The following SLC35D4 variants were observed in gnomAD, a reference collection of about 807,000 sequenced individuals.
SLC35D4 encodes UDP-N-acetylglucosamine transporter SLC35D4.
the SLC35D4 span, among the ~76,000 whole-genome samples, chr18:23,343,345 G>A: frequency 1.3e-5 from 2 of 151,782 alleles, no homozygotes; most frequent in African/African-American, 4.8e-5. Flanking sequence ...GGGTTCAAGC[G>A]ATTCTCCTGA....
At chr18:23,364,790 C>A in the SLC35D4 span, among the ~76,000 whole-genome samples, 1 of 150,816 alleles carries the variant, frequency 6.6e-6, no homozygotes, top group South Asian at 2.1e-4. Context: ...ATAGTCCCAG[C>A]CACTCGGGAG....
the SLC35D4 span, among the ~76,000 whole-genome samples, chr18:23,289,217 A>G: frequency 6.6e-6 from 1 of 152,202 alleles, no homozygotes; most frequent in African/African-American, 2.4e-5. Context: ...TCCTGGTGCT[A>G]TCCCCAAACC....
chr18:23,385,033 G>C, the SLC35D4 span: 7 of 1,613,602 alleles, frequency 4.3e-6, no homozygotes, highest in Non-Finnish European at 5.9e-6. Flanking sequence ...GATAACTTCA[G>C]CTACATTATG....
the SLC35D4 span, among the ~76,000 whole-genome samples, chr18:23,278,785 C>T: frequency 6.6e-6 from 1 of 151,906 alleles, no homozygotes; most frequent in Non-Finnish European, 1.5e-5. Context: ...GTGAAAGGAT[C>T]GCTTGAGCTC....
At chr18:23,255,407 G>A in the SLC35D4 span, among the ~76,000 whole-genome samples, 1 of 152,168 alleles carries the variant, frequency 6.6e-6, no homozygotes, top group African/African-American at 2.4e-5. Flanking sequence ...ATTGAAAAGA[G>A]TATTTTTTAG....
At chr18:23,362,862 T>A in the SLC35D4 span, among the ~76,000 whole-genome samples, 4 of 152,284 alleles carry the variant, frequency 2.6e-5, no homozygotes, top group African/African-American at 9.6e-5. Context: ...TCACCAAGAT[T>A]CCTTCCAGCT....
the SLC35D4 span, among the ~76,000 whole-genome samples, chr18:23,248,430 C>T: frequency 2.0e-5 from 3 of 151,444 alleles, no homozygotes; most frequent in Non-Finnish European, 2.9e-5. Context: ...TCTGCAGCCC[C>T]GACCACTCAG....
the SLC35D4 span, among the ~76,000 whole-genome samples, chr18:23,430,997 T>C: frequency 1.3e-5 from 2 of 151,450 alleles, no homozygotes; most frequent in African/African-American, 4.9e-5. Flanking sequence ...CTATTAAAAA[T>C]ACAAACATTA....
chr18:23,322,002 A>G, the SLC35D4 span, among the ~76,000 whole-genome samples: 3 of 152,294 alleles, frequency 2.0e-5, no homozygotes, highest in African/African-American at 7.2e-5. Context: ...TCTCCTCACG[A>G]TTCCTTCTCT....
At chr18:23,276,238 C>T in the SLC35D4 span, among the ~76,000 whole-genome samples, 1 of 151,946 alleles carries the variant, frequency 6.6e-6, no homozygotes, top group African/African-American at 2.4e-5. Flanking sequence ...CAGGCACCCA[C>T]CAAAACGTCC....
the SLC35D4 span, among the ~76,000 whole-genome samples, chr18:23,385,376 C>T: frequency 6.6e-6 from 1 of 152,198 alleles, no homozygotes; most frequent in Non-Finnish European, 1.5e-5. Context: ...CAGGCGAGAG[C>T]TCAGATGGGG....
chr18:23,420,404 T>C, the SLC35D4 span, among the ~76,000 whole-genome samples: 1 of 152,150 alleles, frequency 6.6e-6, no homozygotes, highest in African/African-American at 2.4e-5. Flanking sequence ...AGGCAGGGTC[T>C]CTGCTGTGTC....
the SLC35D4 span, among the ~76,000 whole-genome samples, chr18:23,333,012 T>C: frequency 6.6e-5 from 10 of 152,180 alleles, no homozygotes; most frequent in African/African-American, 2.4e-4. Flanking sequence ...TAGGACACTC[T>C]ATACACCTGC....
At chr18:23,382,289 T>G in the SLC35D4 span, among the ~76,000 whole-genome samples, 1 of 134,192 alleles carries the variant, frequency 7.5e-6, no homozygotes, top group African/African-American at 2.7e-5. Context: ...AGAATATGAG[T>G]TTTTTTTTTT....
chr18:23,384,358 A>G, the SLC35D4 span, among the ~76,000 whole-genome samples: 1 of 152,208 alleles, frequency 6.6e-6, no homozygotes, highest in Non-Finnish European at 1.5e-5. Flanking sequence ...GCCAGAAGAA[A>G]AAAAAAACTC....
the SLC35D4 span, among the ~76,000 whole-genome samples, chr18:23,273,152 G>C: frequency 6.6e-6 from 1 of 152,230 alleles, no homozygotes; most frequent in Non-Finnish European, 1.5e-5. Context: ...AAATGGGAAA[G>C]ACTTGAGGGT....
At chr18:23,406,917 A>C in the SLC35D4 span, among the ~76,000 whole-genome samples, 1 of 152,088 alleles carries the variant, frequency 6.6e-6, no homozygotes, top group Admixed American at 6.6e-5. Flanking sequence ...TAATTCTCCC[A>C]CCTTAGGCCT....
At chr18:23,290,335 C>T in the SLC35D4 span, among the ~76,000 whole-genome samples, 5 of 152,256 alleles carry the variant, frequency 3.3e-5, no homozygotes, top group Non-Finnish European at 7.3e-5. Context: ...CCTGGCCTCC[C>T]AGAACCAGCT....
chr18:23,266,536 CAG>C, the SLC35D4 span, among the ~76,000 whole-genome samples: 2 of 152,198 alleles, frequency 1.3e-5, no homozygotes, highest in Non-Finnish European at 2.9e-5. Flanking sequence ...ACTGCTCAGG[CAG>C]AGTGTCGGTG....
Sources: allele counts gnomAD v4.1 joint callset (sites outside exome capture counted in the v4.1 genomes callset), GRCh38; gene constraint gnomAD v4.1.1; transcripts MANE v1.5; gene names NCBI Gene and HGNC (gene_info 2026-07-23, HGNC 2026-07-21).